RAB11B: variants seen among roughly 807,000 people sequenced by gnomAD.
The protein encoded by RAB11B is RAB11B, member RAS oncogene family.
RAB11B carries 7 observed loss-of-function variants against 23.7 expected under a neutral mutation model. The observed-to-expected ratio is 0.29, with a 90% CI of 0.17 to 0.55. RAB11B has a LOEUF of 0.55. Ranked by LOEUF, RAB11B falls within the 20% of genes least tolerant of loss-of-function variation. The pLI, the probability that RAB11B is intolerant of heterozygous loss-of-function variation, is 0.93. For synonymous variants in RAB11B, 138 were observed against 132.0 expected, an observed-to-expected ratio of 1.05 and a Z score of -0.31; for missense variants, 189 against 320.0, an observed-to-expected ratio of 0.59 and a Z score of 3.12.
chr19:8,403,313 G>C, intron 4 of RAB11B, 100 bp from the exon 5 acceptor site: 1 of 1,439,578 alleles, frequency 6.9e-7, no homozygotes, highest in Admixed American at 2.0e-5. Flanking sequence ...GGCGCTGTGG[G>C]GGTCTGGAGA....
At chr19:8,398,048 G>A (rs1183225665) in intron 1 of RAB11B, among the ~76,000 whole-genome samples, 1 of 152,148 alleles carries the variant, frequency 6.6e-6, no homozygotes, top group Non-Finnish European at 1.5e-5. Context: ...TTCCCCACAT[G>A]GTATGTTCTG....
At position 8,396,875 on chromosome 19, in the gene RAB11B, C is replaced by A. The variant is rs1424895146; in HGVS notation, c.41-2988C>A. ...CTCTCTGGTGGCTGCTGCAGGAGGA[C>A]AGCGTTTTGGTTGGTGATGAGCGTG... is the stretch of plus-strand genomic sequence containing the variant. On this transcript the variant is annotated intron_variant, in intron 1 of 4. Transcript: ENST00000328024. This position sits in a 1 kb window ranked among gnomAD's most constrained non-coding sequence, Gnocchi z 5.0. Among the ~76,000 whole-genome samples the A allele has an allele frequency of 1.3e-5, 2 of 152,128 alleles. No individual in the cohort carries two copies. The highest frequency in any genetic ancestry group is 2.9e-5 in the Non-Finnish European group (2 of 68,022).
Position 8,402,206 on chromosome 19 carries a change from C to A in RAB11B, c.357C>A (p.Ile119=), listed in dbSNP as rs34741553. The A allele has an allele frequency of 8.0e-4, 1,262 of 1,585,074 alleles. 4 individuals carry two copies. The African/African-American group carries it at 0.015, about 19-fold the overall frequency. Residue 119 remains isoleucine (I), a synonymous_variant, in exon 3 of 5, where the codon ATC becomes ATA. Transcript: ENST00000328024. ...LRDHADSNIV[I]MLVGNKSDLR... Reference sequence around the variant, plus strand: ...ACCACGCAGACAGCAACATCGTCATCATGCTGGTGGGCAACAAGAGTGACC... The same window carrying A: ...ACCACGCAGACAGCAACATCGTCATAATGCTGGTGGGCAACAAGAGTGACC...
chr19:8,393,313 G>A (rs1971372401), intron 1 of RAB11B, among the ~76,000 whole-genome samples: 1 of 152,258 alleles, frequency 6.6e-6, no homozygotes, highest in African/African-American at 2.4e-5. Context: ...TCCTCTCAGA[G>A]CCCTTCCCCT....
chr19:8,399,781 C>G (rs1436941161), intron 1 of RAB11B, 82 bp from the exon 2 acceptor site: 45 of 1,511,156 alleles, frequency 3.0e-5, no homozygotes, highest in Non-Finnish European at 3.8e-5. Context: ...GTTGGTGCAG[C>G]ACCCAGGGAA....
chr19:8,396,576 G>A lies in RAB11B; in HGVS notation c.41-3287G>A, dbSNP rs1160577876. 2.0e-5 allele frequency among the ~76,000 whole-genome samples: 3 copies of A among 152,094 alleles called. No individual in the cohort carries two copies. Among genetic ancestry groups the A allele is most frequent in the Non-Finnish European group, 4.4e-5 (3 of 68,012 alleles). On this transcript the variant is annotated intron_variant, in intron 1 of 4. Coordinates refer to ENST00000328024, the MANE Select transcript of RAB11B (RefSeq NM_004218.4). This position sits in a 1 kb window ranked among gnomAD's most constrained non-coding sequence, Gnocchi z 5.0. ...GGGGCCACACGAAGGGGATGAGGGA[G>A]GGAGCCAGGTGTGTGCCTGGAGAAG... is the stretch of plus-strand genomic sequence containing the variant.
At position 8,395,814 on chromosome 19, in the gene RAB11B, C is replaced by T. The variant is rs544735859; in HGVS notation, c.41-4049C>T. On this transcript the variant is annotated intron_variant, in intron 1 of 4. Transcript: ENST00000328024. ...ATGCCCACCCCATAAGGCAGAACCACGACTCCCGAGCCACGTGCTGGGGTT... is the reference window on the plus strand; with the variant it reads ...ATGCCCACCCCATAAGGCAGAACCATGACTCCCGAGCCACGTGCTGGGGTT... 2.0e-3 allele frequency among the ~76,000 whole-genome samples: 298 copies of T among 152,280 alleles called. 1 individual carries two copies. The highest frequency in any genetic ancestry group is 6.7e-3 in the African/African-American group (280 of 41,560).
Position 8,404,423 on chromosome 19 carries a change from C to T in RAB11B, c.*865C>T, listed in dbSNP as rs890881354. 1 of 152,214 alleles carries T rather than the reference C, an allele frequency of 6.6e-6. No individual in the cohort carries two copies. The highest frequency in any genetic ancestry group is 1.5e-5 in the Non-Finnish European group (1 of 68,070). 9.4% of individuals were successfully genotyped at this position (152,214 alleles called of 1,614,324 possible). A position where few individuals can be genotyped will look rare whatever the true frequency, so the allele number is the denominator to read the frequency against. On this transcript the variant is annotated 3_prime_UTR_variant, in exon 5 of 5. Transcript: ENST00000328024. ...GTTACTGAAATGTATAATCTGACTT[C>T]CTGTACAGAAACCTGCCGCTGCGCC...
In RAB11B at chr19:8,402,481, C is replaced by T. The variant is rs201635393; in HGVS notation, c.431-4C>T. The T allele has an allele frequency of 4.5e-5, 73 of 1,612,762 alleles. No homozygotes were observed. In the African/African-American group the frequency reaches 6.9e-4, roughly 15 times the overall value. On this transcript the variant is annotated splice_polypyrimidine_tract_variant and splice_region_variant and intron_variant, in intron 3 of 4. Transcript: ENST00000328024. ...ACTCACCTAGGCAGTATTCTTTGTT[C>T]CAGAAAAGAACAACTTGTCCTTCAT...
intron 1 of RAB11B, among the ~76,000 whole-genome samples, chr19:8,391,110 A>G (rs1971348666): frequency 6.6e-6 from 1 of 152,188 alleles, no homozygotes; most frequent in Non-Finnish European, 1.5e-5. Context: ...AGAACTCTCA[A>G]CAGTGCTAAG....
In RAB11B at chr19:8,397,056, G is replaced by A. The variant is rs1002563441; in HGVS notation, c.41-2807G>A. ...GATTCTGAGATGCGAGAGAAAGGAA[G>A]GAGTCGAGAATGACTCCAGGTTTCT... On this transcript the variant is annotated intron_variant, in intron 1 of 4. Transcript: ENST00000328024. 2.0e-5 allele frequency among the ~76,000 whole-genome samples: 3 copies of A among 152,224 alleles called. No individual in the cohort carries two copies. In the East Asian group the frequency reaches 5.8e-4, roughly 29 times the overall value.
At chr19:8,403,330 C>T in intron 4 of RAB11B, 83 bp from the exon 5 acceptor site, 2 of 1,533,308 alleles carry the variant, frequency 1.3e-6, no homozygotes, top group South Asian at 2.5e-5. Context: ...GAGAGGGCCT[C>T]TGGAGTCCTG....
chr19:8,395,376 T>C lies in RAB11B; in HGVS notation c.41-4487T>C, dbSNP rs564678064. 2.7e-5 allele frequency among the ~76,000 whole-genome samples: 4 copies of C among 150,560 alleles called. No homozygotes were observed. The South Asian group carries it at 8.4e-4, about 32-fold the overall frequency. On this transcript the variant is annotated intron_variant, in intron 1 of 4. Transcript: ENST00000328024. ...GCAACCTCCGCCTCCCAGGTTCAAA[T>C]GATTCTCTTGCCTCAGCCTCCACCA...
chr19:8,395,899 A>AG (rs1190168533), intron 1 of RAB11B, among the ~76,000 whole-genome samples: 3 of 152,190 alleles, frequency 2.0e-5, no homozygotes, highest in Non-Finnish European at 4.4e-5. Flanking sequence ...CTGTGGATGC[A>AG]GAAGACCTGG....
At chr19:8,397,558 C>T (rs112063329) in intron 1 of RAB11B, among the ~76,000 whole-genome samples, 1 of 152,154 alleles carries the variant, frequency 6.6e-6, no homozygotes, top group East Asian at 1.9e-4. Context: ...GGTTTGAGTT[C>T]TAGGACTGGG....
intron 4 of RAB11B, 179 bp downstream of exon 4, chr19:8,402,744 C>A (rs1427809598): frequency 8.4e-6 from 5 of 598,442 alleles, no homozygotes; most frequent in East Asian, 2.8e-5. Context: ...CTTACTGCAA[C>A]CTCCGCCTTC....
At chr19:8,393,548 T>G (rs1028305121) in intron 1 of RAB11B, among the ~76,000 whole-genome samples, 1 of 152,192 alleles carries the variant, frequency 6.6e-6, no homozygotes, top group African/African-American at 2.4e-5. Flanking sequence ...TGGGCAGACC[T>G]CACAGTGGGC....
chr19:8,397,776 C>T (rs1011264477), intron 1 of RAB11B, among the ~76,000 whole-genome samples: 23 of 152,052 alleles, frequency 1.5e-4, no homozygotes, highest in African/African-American at 4.6e-4. Flanking sequence ...GTGGGGCCAG[C>T]GGACCTCTGG....
Position 8,390,586 on chromosome 19 carries a change from C to T in RAB11B, c.40+130C>T, listed in dbSNP as rs1232528333. On this transcript the variant is annotated intron_variant, in intron 1 of 4. Transcript: ENST00000328024. ...CTTGGGGCCCGGCGGGTCAGGCAGC[C>T]GGGAAGGCCGGAGCCGACCGGGCAG... 40 of 1,015,658 alleles carry T rather than the reference C, an allele frequency of 3.9e-5. No individual in the cohort carries two copies. The East Asian group carries it at 1.2e-3, about 31-fold the overall frequency. 62.9% of individuals were successfully genotyped at this position (1,015,658 alleles called of 1,614,324 possible).
Sources: gnomAD v4.1 joint callset for allele counts (sites outside exome capture counted in the v4.1 genomes callset) on GRCh38, gnomAD v4.1.1 for gene constraint, Gnocchi (gnomAD v3.1) non-coding constraint, MANE v1.5 for transcripts, NCBI Gene and HGNC (gene_info 2026-07-23, HGNC 2026-07-21) for gene names.